NXPH1: variants seen among roughly 807,000 people sequenced by gnomAD.
NXPH1 encodes neurexophilin-1.
Under a neutral mutation model 23.7 loss-of-function variants are expected in NXPH1, and 5 were observed. The ratio of observed to expected loss-of-function variants is 0.21; its 90% CI spans 0.11 to 0.44. NXPH1 has a LOEUF of 0.44. NXPH1 is among the 20% of genes least tolerant of loss of function. The pLI, the probability that NXPH1 is intolerant of heterozygous loss-of-function variation, is 0.99. For synonymous variants in NXPH1, 144 were observed against 122.2 expected (o/e 1.18, Z -1.18); for missense variants, 324 against 321.6 (o/e 1.01, Z -0.06).
intron 2 of NXPH1, among the ~76,000 whole-genome samples, chr7:8,443,592 G>A (rs150921039): frequency 8.2e-4 from 125 of 152,360 alleles, no homozygotes; most frequent in African/African-American, 2.7e-3. Context: ...GGTGGGGAGA[G>A]TCCTAATTAT....
intron 2 of NXPH1, among the ~76,000 whole-genome samples, chr7:8,477,293 C>T (rs1391294705): frequency 1.9e-4 from 29 of 152,086 alleles, no homozygotes; most frequent in Admixed American, 1.9e-3. Context: ...CTTACTCTTA[C>T]TTGTTCCCCT....
chr7:8,669,569 ACT>A (rs1471798373), intron 2 of NXPH1, among the ~76,000 whole-genome samples: 1 of 152,048 alleles, frequency 6.6e-6, no homozygotes, highest in African/African-American at 2.4e-5. Flanking sequence ...GCTGTGTTTT[ACT>A]GGGGTGAACC....
intron 2 of NXPH1, among the ~76,000 whole-genome samples, chr7:8,516,432 A>G (rs982267412): frequency 5.9e-5 from 9 of 152,320 alleles, no homozygotes; most frequent in African/African-American, 2.2e-4. Flanking sequence ...AGAGCATTAC[A>G]GTGAGCATCA....
At chr7:8,717,849 TTAAAA>T (rs1427949478) in intron 2 of NXPH1, among the ~76,000 whole-genome samples, 3 of 151,550 alleles carry the variant, frequency 2.0e-5, no homozygotes, top group African/African-American at 7.3e-5. Context: ...ATATTAAACT[TTAAAA>T]TAAAAACTGG....
Position 8,670,987 on chromosome 7 carries a change from G to A in NXPH1, c.55-80021G>A, listed in dbSNP as rs149371064. 6.9e-3 allele frequency among the ~76,000 whole-genome samples: 1,044 copies of A among 152,224 alleles called. 14 individuals are homozygous for A. Among genetic ancestry groups the A allele is most frequent in the African/African-American group, 0.024 (996 of 41,540 alleles). On this transcript the variant is annotated intron_variant, in intron 2 of 2. Coordinates refer to ENST00000405863, the MANE Select transcript of NXPH1 (RefSeq NM_152745.3). The stretch of plus-strand genomic sequence containing the variant: ...GATGTACTCATCTGCCTGAGTCATC[G>A]TCATGTTCTTTAACAAGAAATCATT...
At chr7:8,452,820 T>C (rs1002002241) in intron 2 of NXPH1, among the ~76,000 whole-genome samples, 7 of 152,138 alleles carry the variant, frequency 4.6e-5, no homozygotes, top group African/African-American at 1.7e-4. Context: ...GTCCTGGGGA[T>C]TGATACTAGA....
intron 2 of NXPH1, among the ~76,000 whole-genome samples, chr7:8,665,245 C>T (rs6956021): frequency 0.62 from 93,666 of 151,882 alleles, 30,331 homozygotes; most frequent in Middle Eastern, 0.76. Flanking sequence ...ATCTGAATAT[C>T]CAAATGTTTC....
At chr7:8,700,890 A>G (rs1035912479) in intron 2 of NXPH1, among the ~76,000 whole-genome samples, 1 of 152,122 alleles carries the variant, frequency 6.6e-6, no homozygotes, top group Non-Finnish European at 1.5e-5. Context: ...TTGTAAAGTG[A>G]GAATATTTTT....
chr7:8,734,897 C>T (rs1354224947), intron 2 of NXPH1, among the ~76,000 whole-genome samples: 4 of 152,092 alleles, frequency 2.6e-5, no homozygotes, highest in African/African-American at 9.7e-5. Flanking sequence ...ATTTTATTCT[C>T]TTTATAGCAA....
At chr7:8,473,458 CT>C (rs767847228) in intron 2 of NXPH1, among the ~76,000 whole-genome samples, 1 of 152,162 alleles carries the variant, frequency 6.6e-6, no homozygotes, top group Non-Finnish European at 1.5e-5. Flanking sequence ...CCTATACCCC[CT>C]GCCATCTAAA....
At chr7:8,703,218 C>A (rs957374590) in intron 2 of NXPH1, among the ~76,000 whole-genome samples, 1 of 152,056 alleles carries the variant, frequency 6.6e-6, no homozygotes, top group African/African-American at 2.4e-5. Context: ...AAGTCCCAGC[C>A]CCTCCTGTGA....
chr7:8,733,704 C>G (rs1780197789), intron 2 of NXPH1, among the ~76,000 whole-genome samples: 1 of 152,080 alleles, frequency 6.6e-6, no homozygotes, highest in African/African-American at 2.4e-5. Flanking sequence ...TGTTCATATC[C>G]TTTGCCCACT....
At chr7:8,537,475 G>A (rs1025155271) in intron 2 of NXPH1, among the ~76,000 whole-genome samples, 3 of 151,982 alleles carry the variant, frequency 2.0e-5, no homozygotes, top group East Asian at 3.9e-4. Context: ...GCTGAGCAAA[G>A]GGGGAAAAGC....
chr7:8,620,547 A>G (rs1819844814), intron 2 of NXPH1, among the ~76,000 whole-genome samples: 1 of 152,198 alleles, frequency 6.6e-6, no homozygotes, highest in African/African-American at 2.4e-5. Flanking sequence ...CTCTGGAAGC[A>G]TGCAGGCTGA....
At chr7:8,710,726 A>C (rs556050380) in intron 2 of NXPH1, among the ~76,000 whole-genome samples, 17 of 101,834 alleles carry the variant, frequency 1.7e-4, no homozygotes, top group East Asian at 3.3e-4. Flanking sequence ...GCAGTGGCGC[A>C]ATCTCGGCTC....
At chr7:8,469,444 C>A (rs1022923505) in intron 2 of NXPH1, among the ~76,000 whole-genome samples, 1 of 152,042 alleles carries the variant, frequency 6.6e-6, no homozygotes, top group African/African-American at 2.4e-5. Context: ...TGAGTATAAT[C>A]AACTAGGATC....
chr7:8,751,222 G>A lies in NXPH1; in HGVS notation c.269G>A (p.Trp90Ter). Residue 90 changes from tryptophan to a stop codon, truncating the protein, a stop_gained, in exon 3 of 3, where the codon TGG (tryptophan) becomes TAG (stop). Coordinates refer to ENST00000405863, the MANE Select transcript of NXPH1 (RefSeq NM_152745.3). LOFTEE classifies it high-confidence loss of function. This position sits in a 1 kb window ranked among gnomAD's most constrained non-coding sequence, Gnocchi z 4.5. ...EPYSEQDLWD[W>*]LRNSTDLQEP... ...TATTCTGAGCAAGACCTCTGGGACT[G>A]GCTGAGGAACTCCACAGACCTTCAA... 6.2e-7 allele frequency: 1 copy of A among 1,613,864 alleles called. No individual in the cohort carries two copies.
intron 2 of NXPH1, among the ~76,000 whole-genome samples, chr7:8,544,022 G>C (rs1310028383): frequency 6.6e-6 from 1 of 151,564 alleles, no homozygotes; most frequent in Non-Finnish European, 1.5e-5. Flanking sequence ...TAATTAGAAA[G>C]AGAGCTACAT....
chr7:8,454,540 C>G (rs978725216), intron 2 of NXPH1, among the ~76,000 whole-genome samples: 14 of 152,056 alleles, frequency 9.2e-5, no homozygotes, highest in Admixed American at 5.2e-4. Context: ...GAATTAGGGC[C>G]AGTCATGGAG....
Sources: allele counts gnomAD v4.1 joint callset (sites outside exome capture counted in the v4.1 genomes callset), GRCh38; gene constraint gnomAD v4.1.1; non-coding constraint Gnocchi (gnomAD v3.1); transcripts MANE v1.5; gene names NCBI Gene and HGNC (gene_info 2026-07-23, HGNC 2026-07-21).